GNE: variants seen among roughly 807,000 people sequenced by gnomAD.
GNE encodes the protein bifunctional UDP-N-acetylglucosamine 2-epimerase/N-acetylmannosamine kinase.
A neutral mutation model predicts 61.8 loss-of-function variants in GNE; 41 were observed. The ratio of observed to expected loss-of-function variants is 0.66; its 90% CI spans 0.52 to 0.86. The LOEUF (loss-of-function observed/expected upper bound fraction) is 0.86. GNE is among the 40% of genes least tolerant of loss of function. GNE has a pLI of 0.00. For missense variants in GNE, 608 were observed against 909.1 expected (o/e 0.67, Z 4.26); for synonymous variants, 264 against 326.4 (o/e 0.81, Z 2.06).
chr9:36,267,551 TCAGGCGTGGTGG>T (rs565177978), intron 1 of GNE, among the ~76,000 whole-genome samples: 75 of 151,898 alleles, frequency 4.9e-4, no homozygotes, highest in Middle Eastern at 6.8e-3. Flanking sequence ...CGAAAATTAG[TCAGGCGTGGTGG>T]CAGGTGCCTG....
intron 4 of GNE, 138 bp from the exon 5 acceptor site, chr9:36,234,270 A>G: frequency 1.4e-6 from 1 of 735,338 alleles, no homozygotes; most frequent in Non-Finnish European, 2.4e-6. Context: ...AATTTTAACT[A>G]CTGGCTTTTT....
At chr9:36,266,536 G>A (rs1830797002) in intron 1 of GNE, among the ~76,000 whole-genome samples, 1 of 152,196 alleles carries the variant, frequency 6.6e-6, no homozygotes, top group Non-Finnish European at 1.5e-5. Context: ...CAGTTTGGGA[G>A]GCCGAGGCAG....
chr9:36,264,333 G>A lies in GNE; in HGVS notation c.51+12561C>T, dbSNP rs192542837. On this transcript the variant is annotated intron_variant, in intron 1 of 11. Coordinates refer to the GNE transcript ENST00000396594. ...GTATTTTTTATAGAGATGGGGTTTC[G>A]TCATGTTGCCAGGATGGTCTCCAAC... is the stretch of plus-strand genomic sequence containing the variant. Among the ~76,000 whole-genome samples, 404 of 152,018 alleles carry A rather than the reference G, an allele frequency of 2.7e-3. 2 individuals carry two copies. Among genetic ancestry groups the A allele is most frequent in the South Asian group, 0.012 (60 of 4,810 alleles).
At chr9:36,268,129 A>C (rs1830877304) in intron 1 of GNE, among the ~76,000 whole-genome samples, 1 of 151,640 alleles carries the variant, frequency 6.6e-6, no homozygotes, top group African/African-American at 2.4e-5. Flanking sequence ...ACAGAGTGAG[A>C]CCCCATCTCA....
At chr9:36,262,462 G>A (rs2133178054), upstream of GNE, among the ~76,000 whole-genome samples, 1 of 152,114 alleles carries the variant, frequency 6.6e-6, no homozygotes, top group East Asian at 1.9e-4. Flanking sequence ...TACATTTCTG[G>A]ATTTCTGTTA....
At chr9:36,272,303 G>T (rs1374361781) in intron 1 of GNE, among the ~76,000 whole-genome samples, 1 of 152,084 alleles carries the variant, frequency 6.6e-6, no homozygotes, top group African/African-American at 2.4e-5. Flanking sequence ...TAGGGAAATG[G>T]CATGATCAGA....
intron 10 of GNE, 76 bp downstream of exon 10, chr9:36,219,762 G>C: frequency 2.3e-6 from 3 of 1,308,936 alleles, no homozygotes; most frequent in Non-Finnish European, 3.3e-6. Context: ...TCAGTGTTCA[G>C]CTGTCTTTGG....
chr9:36,249,545 T>C, intron 1 of GNE, 148 bp from the exon 2 acceptor site: 1 of 617,282 alleles, frequency 1.6e-6, no homozygotes. Flanking sequence ...TTTTTGCACC[T>C]CCACTTATGT....
rs543724362 is a variant in GNE, at chr9:36,234,205, C to T, written c.770-73G>A. ...AAACCATTTTCATTGGCAAGTATAG[C>T]CCACGTAAAGAAATCTCCCTAAAAA... is the stretch of plus-strand genomic sequence containing the variant. On this transcript the variant is annotated intron_variant, in intron 4 of 11. Transcript: ENST00000642385. 6.0e-6 allele frequency: 7 copies of T among 1,170,852 alleles called. No homozygotes were observed. The South Asian group carries it at 8.5e-5, about 14-fold the overall frequency. The allele number at this position is 1,170,852 out of a possible 1,614,324, so 72.5% of individuals were successfully genotyped here. A position where few individuals can be genotyped will look rare whatever the true frequency, so the allele number is the denominator to read the frequency against.
intron 4 of GNE, among the ~76,000 whole-genome samples, chr9:36,234,459 C>T (rs941301349): frequency 1.3e-5 from 2 of 152,238 alleles, no homozygotes; most frequent in Middle Eastern, 3.4e-3. Flanking sequence ...GCCTGTATCT[C>T]TTAACCTGAG....
At chr9:36,259,271 A>G (rs1830530326), upstream of GNE, among the ~76,000 whole-genome samples, 1 of 152,240 alleles carries the variant, frequency 6.6e-6, no homozygotes, top group South Asian at 2.1e-4. Context: ...CCAGCATTTT[A>G]GGAAGCCAAG....
chr9:36,258,253 C>T, intron 1 of GNE, 68 bp downstream of exon 1: 2 of 902,358 alleles, frequency 2.2e-6, no homozygotes, highest in South Asian at 5.1e-5. Flanking sequence ...GGCAGGAGGC[C>T]GGGGGAGGCG....
chr9:36,222,499 A>G (rs546715569), intron 9 of GNE, among the ~76,000 whole-genome samples: 1 of 152,220 alleles, frequency 6.6e-6, no homozygotes, highest in Non-Finnish European at 1.5e-5. Flanking sequence ...TGGGGCATCC[A>G]ACACACTAAC....
chr9:36,271,070 T>C (rs2133197659), intron 1 of GNE, among the ~76,000 whole-genome samples: 1 of 152,310 alleles, frequency 6.6e-6, no homozygotes, highest in Non-Finnish European at 1.5e-5. Context: ...CCCCATTCCC[T>C]GCTAGATAAA....
intron 7 of GNE, among the ~76,000 whole-genome samples, chr9:36,225,902 ACT>A (rs140941560): frequency 0.016 from 2,479 of 152,094 alleles, 62 homozygotes; most frequent in East Asian, 0.15. Context: ...ATCCCCAGAG[ACT>A]CTAATTTAAC....
chr9:36,276,642 GAA>G (rs753234844), intron 1 of GNE, among the ~76,000 whole-genome samples: 196 of 152,332 alleles, frequency 1.3e-3, no homozygotes, highest in Middle Eastern at 6.8e-3. Context: ...GGAATCTGGA[GAA>G]AAGAGTTCAA....
intron 3 of GNE, among the ~76,000 whole-genome samples, chr9:36,242,813 C>T (rs1025518167): frequency 4.2e-5 from 6 of 144,094 alleles, no homozygotes; most frequent in Admixed American, 1.5e-4. Context: ...GGTGCAATCT[C>T]GGCTCACAGC....
Position 36,249,139 on chromosome 9 carries a change from G to C in GNE, c.164+53C>G, listed in dbSNP as rs549808012. On this transcript the variant is annotated intron_variant, in intron 2 of 11. Transcript: ENST00000642385. ...GGGCCCATATGGCTACAAAACCCAA[G>C]CTCCTTCTAGCACACTGTTGCAATG... 1.1e-4 allele frequency: 168 copies of C among 1,463,594 alleles called. 2 individuals are homozygous for C. The South Asian group carries it at 1.8e-3, about 16-fold the overall frequency. 90.7% of individuals were successfully genotyped at this position (1,463,594 alleles called of 1,614,324 possible).
At chr9:36,258,968 C>T (rs1437205647), upstream of GNE, among the ~76,000 whole-genome samples, 1 of 152,208 alleles carries the variant, frequency 6.6e-6, no homozygotes, top group Non-Finnish European at 1.5e-5. Context: ...ATAATCAGTT[C>T]AGCGGCGGCC....
Sources: allele counts gnomAD v4.1 joint callset (sites outside exome capture counted in the v4.1 genomes callset), GRCh38; gene constraint gnomAD v4.1.1; transcripts MANE v1.5; gene names NCBI Gene and HGNC (gene_info 2026-07-23, HGNC 2026-07-21).